TMEM117: variants seen among roughly 807,000 people sequenced by gnomAD.
TMEM117 encodes the protein transmembrane protein 117.
A neutral mutation model predicts 52.4 loss-of-function variants in TMEM117; 27 were observed. The observed-to-expected ratio is 0.51, with a 90% CI of 0.38 to 0.71. The LOEUF is 0.71. Ranked by LOEUF, TMEM117 falls within the 30% of genes least tolerant of loss-of-function variation. TMEM117 has a pLI of 0.00. For synonymous variants in TMEM117, 215 were observed against 206.3 expected (o/e 1.04, Z -0.36); for missense variants, 556 against 630.5 (o/e 0.88, Z 1.26).
At position 44,041,100 on chromosome 12, in the gene TMEM117, T is replaced by G. The variant is rs983000394; in HGVS notation, c.410+96758T>G. 3.9e-5 allele frequency among the ~76,000 whole-genome samples: 6 copies of G among 152,314 alleles called. 1 individual carries two copies. In the South Asian group the frequency reaches 1.2e-3, roughly 32 times the overall value. On this transcript the variant is annotated intron_variant, in intron 3 of 7. Coordinates refer to ENST00000266534, the MANE Select transcript of TMEM117 (RefSeq NM_032256.3). Reference sequence around the variant, plus strand: ...GAATGCAAAAATACATAGTATTCTTTTTTTAAATTATACTGTAAGTTTTAG... The same window carrying G: ...GAATGCAAAAATACATAGTATTCTTGTTTTAAATTATACTGTAAGTTTTAG...
intron 4 of TMEM117, among the ~76,000 whole-genome samples, chr12:44,180,959 A>T (rs1312924942): frequency 2.0e-5 from 3 of 152,172 alleles, no homozygotes; most frequent in African/African-American, 7.2e-5. Context: ...ACTAGTTTAC[A>T]TTCCCACCAA....
rs757105948 is a variant in TMEM117 at position 43,844,695 on chromosome 12, G to A, written c.44G>A (p.Arg15His). The A allele has an allele frequency of 6.8e-6, 11 of 1,614,046 alleles. No individual in the cohort carries two copies. Among genetic ancestry groups the A allele is most frequent in the East Asian group, 2.2e-5 (1 of 44,888 alleles). ...TACTATTTCCAGCATCCCTGGTCTC[G>A]CATGATTGTGGCTTACTTGGTGATC... ...FRYYFQHPWSRMIVAYLVIFF... is the reference protein window; with the variant it reads ...FRYYFQHPWSHMIVAYLVIFF... Residue 15 changes from arginine (R) to histidine (H), a missense_variant, in exon 2 of 8, where the codon CGC becomes CAC. Arg to His is a conservative substitution (Grantham distance 29, BLOSUM62 0). Around this residue, in one of 3 missense-constraint regions of TMEM117, gnomAD observed 328 missense variants for 371.4 expected, o/e 0.88. Coordinates refer to ENST00000266534, the MANE Select transcript of TMEM117 (RefSeq NM_032256.3).
At chr12:44,264,393 T>TGATATGG (rs1298204761) in intron 5 of TMEM117, among the ~76,000 whole-genome samples, 1 of 152,174 alleles carries the variant, frequency 6.6e-6, no homozygotes, top group Non-Finnish European at 1.5e-5. Flanking sequence ...TCAGCTATGC[T>TGATATGG]AGTCCCCTCC....
At chr12:44,292,874 T>C (rs941602957) in intron 5 of TMEM117, among the ~76,000 whole-genome samples, 2 of 152,046 alleles carry the variant, frequency 1.3e-5, no homozygotes, top group African/African-American at 2.4e-5. Flanking sequence ...GAATGTTCCA[T>C]GTATGCTGGA....
chr12:44,249,012 G>A (rs563835530), intron 5 of TMEM117: 1 of 152,370 alleles, frequency 6.6e-6, no homozygotes, highest in Admixed American at 6.5e-5. Context: ...CTTCCTATTA[G>A]TTCTGTTCTG....
At chr12:44,159,796 A>T (rs1221028667) in intron 4 of TMEM117, among the ~76,000 whole-genome samples, 1 of 152,224 alleles carries the variant, frequency 6.6e-6, no homozygotes, top group Non-Finnish European at 1.5e-5. Context: ...TGAAAACATC[A>T]GCAGAATGAA....
chr12:44,121,104 A>G (rs1265243145), intron 3 of TMEM117, among the ~76,000 whole-genome samples: 3 of 152,200 alleles, frequency 2.0e-5, no homozygotes, highest in Non-Finnish European at 4.4e-5. Context: ...TTTTAAAACC[A>G]TCAGATCTTG....
chr12:44,117,058 C>G lies in TMEM117; in HGVS notation c.411-26467C>G, dbSNP rs535188590. ...TCTGGAGTAAACTCTCTCCCTTGTA[C>G]TTGGCTCTTGAGGATCAGTTCCCGC... On this transcript the variant is annotated intron_variant, in intron 3 of 7. Coordinates refer to ENST00000266534, the MANE Select transcript of TMEM117 (RefSeq NM_032256.3). 1.2e-4 allele frequency among the ~76,000 whole-genome samples: 19 copies of G among 152,298 alleles called. No homozygotes were observed. The South Asian group carries it at 3.5e-3, about 28-fold the overall frequency.
intron 6 of TMEM117, among the ~76,000 whole-genome samples, chr12:44,313,573 A>G (rs1423374095): frequency 1.3e-5 from 2 of 152,154 alleles, no homozygotes; most frequent in Admixed American, 6.5e-5. Flanking sequence ...TTTGCTTAGC[A>G]TTGCTTTGGC....
chr12:44,326,031 C>T (rs1052507595), intron 6 of TMEM117, among the ~76,000 whole-genome samples: 1 of 152,006 alleles, frequency 6.6e-6, no homozygotes, highest in Admixed American at 6.6e-5. Flanking sequence ...AGTGTGGTGG[C>T]GTGCGCCTGG....
At chr12:43,813,659 C>G in the TMEM117 span, among the ~76,000 whole-genome samples, 1 of 152,078 alleles carries the variant, frequency 6.6e-6, no homozygotes, top group Non-Finnish European at 1.5e-5. Context: ...TTTCCCTAGG[C>G]AGTGTTTTCT....
intron 3 of TMEM117, among the ~76,000 whole-genome samples, chr12:44,092,996 G>A (rs1947699654): frequency 6.6e-6 from 1 of 152,094 alleles, no homozygotes; most frequent in African/African-American, 2.4e-5. Flanking sequence ...TTGAAGCAGT[G>A]ACATTTAAGT....
intron 3 of TMEM117, among the ~76,000 whole-genome samples, chr12:43,979,867 G>T (rs1945732351): frequency 1.3e-5 from 2 of 152,160 alleles, no homozygotes; most frequent in African/African-American, 4.8e-5. Context: ...CTATGTCAGG[G>T]GTAGGGGAGG....
chr12:44,151,061 AG>A (rs1948714815), intron 4 of TMEM117, among the ~76,000 whole-genome samples: 2 of 152,270 alleles, frequency 1.3e-5, no homozygotes, highest in Non-Finnish European at 2.9e-5. Flanking sequence ...ATATTCACCA[AG>A]AATATGAAAG....
At chr12:43,805,779 G>C in the TMEM117 span, 1 of 1,350,040 alleles carries the variant, frequency 7.4e-7, no homozygotes, top group Non-Finnish European at 9.8e-7. Flanking sequence ...GGTTCTTTTT[G>C]TAATCAAAGT....
At chr12:44,305,159 A>G (rs1950888755) in intron 6 of TMEM117, among the ~76,000 whole-genome samples, 1 of 152,212 alleles carries the variant, frequency 6.6e-6, no homozygotes, top group East Asian at 1.9e-4. Flanking sequence ...TTGTGTGAAC[A>G]TCAGCAGTAG....
intron 3 of TMEM117, among the ~76,000 whole-genome samples, chr12:44,078,125 A>G (rs1947412180): frequency 6.6e-6 from 1 of 152,234 alleles, no homozygotes; most frequent in Admixed American, 6.6e-5. Context: ...TAAATGACGT[A>G]ATTATCCAAA....
chr12:44,281,993 G>T (rs1449480139), intron 5 of TMEM117, among the ~76,000 whole-genome samples: 1 of 152,162 alleles, frequency 6.6e-6, no homozygotes, highest in Non-Finnish European at 1.5e-5. Context: ...AGGGATCCAA[G>T]GGGAGGTAAT....
At chr12:44,078,382 C>G (rs1338738678) in intron 3 of TMEM117, among the ~76,000 whole-genome samples, 1 of 152,210 alleles carries the variant, frequency 6.6e-6, no homozygotes, top group Non-Finnish European at 1.5e-5. Flanking sequence ...ACATACATGA[C>G]ACAGCTCTTT....
Sources: allele counts gnomAD v4.1 joint callset (sites outside exome capture counted in the v4.1 genomes callset), GRCh38; gene constraint gnomAD v4.1.1; regional missense constraint gnomAD v4.1.1; transcripts MANE v1.5; gene names NCBI Gene and HGNC (gene_info 2026-07-23, HGNC 2026-07-21).